LRRC37A2: variants seen among roughly 807,000 people sequenced by gnomAD.
LRRC37A2 encodes leucine rich repeat containing 37 member A2.
LRRC37A2 carries 9 observed loss-of-function variants against 68.8 expected under a neutral mutation model. The ratio of observed to expected loss-of-function variants is 0.13; its 90% CI spans 0.08 to 0.23. The LOEUF (loss-of-function observed/expected upper bound fraction) is 0.23, where lower values mean the gene tolerates loss of function less well. Ranked by LOEUF, LRRC37A2 falls within the 10% of genes least tolerant of loss-of-function variation. The probability of loss-of-function intolerance (pLI) is 1.00; values close to 1 mark genes in which losing one functional copy is unlikely to be tolerated. For missense variants in LRRC37A2, 168 were observed against 950.4 expected (o/e 0.18, Z 10.82); for synonymous variants, 63 against 367.6 (o/e 0.17, Z 9.48).
At chr17:46,715,562 C>T in the LRRC37A2 span, among the ~76,000 whole-genome samples, 4 of 152,212 alleles carry the variant, frequency 2.6e-5, no homozygotes, top group Non-Finnish European at 5.9e-5. Context: ...CAGCTGCCAG[C>T]TTCTACCTCA....
At chr17:46,764,571 T>G in the LRRC37A2 span, 3 of 152,386 alleles carry the variant, frequency 2.0e-5, no homozygotes, top group East Asian at 3.9e-4. Flanking sequence ...CTGCTTCCCA[T>G]GAGACTTCGC....
At chr17:46,881,872 A>G in the LRRC37A2 span, among the ~76,000 whole-genome samples, 2 of 152,230 alleles carry the variant, frequency 1.3e-5, no homozygotes, top group Non-Finnish European at 1.5e-5. Flanking sequence ...TCTCCTAAGG[A>G]CAAGAACATT....
the LRRC37A2 span, chr17:46,714,107 G>A: frequency 5.8e-6 from 6 of 1,026,766 alleles, 1 homozygote; most frequent in Non-Finnish European, 8.0e-6. Flanking sequence ...TTCTCAAGTG[G>A]AACCAAATTA....
At chr17:46,823,945 A>C in the LRRC37A2 span, among the ~76,000 whole-genome samples, 4 of 152,156 alleles carry the variant, frequency 2.6e-5, no homozygotes, top group Non-Finnish European at 4.4e-5. Context: ...CGGATGGTGA[A>C]TACAAAATAT....
At chr17:47,009,339 CA>C in the LRRC37A2 span, among the ~76,000 whole-genome samples, 2 of 152,182 alleles carry the variant, frequency 1.3e-5, no homozygotes, top group Non-Finnish European at 2.9e-5. Context: ...CTGTGGCATC[CA>C]TCTGTCCTCT....
At chr17:46,729,624 A>G in the LRRC37A2 span, among the ~76,000 whole-genome samples, 2 of 152,182 alleles carry the variant, frequency 1.3e-5, no homozygotes, top group African/African-American at 4.8e-5. Context: ...TTGATTCTGC[A>G]TGCTGTAACC....
the LRRC37A2 span, among the ~76,000 whole-genome samples, chr17:46,746,345 G>A: frequency 3.0e-4 from 46 of 152,244 alleles, no homozygotes; most frequent in Admixed American, 2.6e-3. Context: ...ATCTGCATTG[G>A]TTTATGGTGG....
chr17:46,981,076 A>G, the LRRC37A2 span, among the ~76,000 whole-genome samples: 93,217 of 151,966 alleles, frequency 0.61, 29,240 homozygotes, highest in African/African-American at 0.7. Flanking sequence ...AGGAGAGTAA[A>G]GAAAGCACTT....
the LRRC37A2 span, among the ~76,000 whole-genome samples, chr17:46,790,759 TGAA>T: frequency 1.3e-5 from 2 of 152,230 alleles, no homozygotes; most frequent in Non-Finnish European, 1.5e-5. Flanking sequence ...CCAGCAGCCA[TGAA>T]GAAGAAGCAT....
the LRRC37A2 span, among the ~76,000 whole-genome samples, chr17:46,806,973 C>T: frequency 1.3e-5 from 2 of 152,120 alleles, no homozygotes; most frequent in African/African-American, 2.4e-5. Flanking sequence ...ATAGCACCGT[C>T]GGCTTCCAAG....
the LRRC37A2 span, among the ~76,000 whole-genome samples, chr17:46,796,340 A>G: frequency 3.5e-4 from 53 of 152,354 alleles, no homozygotes; most frequent in East Asian, 9.2e-3. Context: ...CCTCTATGCC[A>G]GGCACTGTTT....
the LRRC37A2 span, among the ~76,000 whole-genome samples, chr17:46,845,785 C>CTTTTTTTTT: frequency 2.3e-5 from 2 of 86,782 alleles, no homozygotes; most frequent in Non-Finnish European, 4.1e-5. Flanking sequence ...ACTGTGCTGG[C>CTTTTTTTTT]TTTTTTTTTT....
Position 46,550,408 on chromosome 17 carries a change from T to G in LRRC37A2, c.4705-7T>G. On this transcript the variant is annotated splice_region_variant and splice_polypyrimidine_tract_variant and intron_variant, in intron 10 of 14. Transcript: ENST00000576629. ...CTGGTTTTTTTTTTGTGTGTTTTTT[T>G]TTTTAGCTCAAAAAAGAAGTTCCAG... 1.3e-6 allele frequency: 1 copy of G among 761,324 alleles called. No individual in the cohort carries two copies. Among genetic ancestry groups the G allele is most frequent in the Non-Finnish European group, 2.0e-6 (1 of 511,366 alleles). The allele number at this position is 761,324 out of a possible 1,614,324, so 47.2% of individuals were successfully genotyped here.
At chr17:46,876,115 G>C in the LRRC37A2 span, 1 of 847,162 alleles carries the variant, frequency 1.2e-6, no homozygotes, top group Non-Finnish European at 1.8e-6. Flanking sequence ...AAGGGGAGGA[G>C]CTGGGGCTGA....
the LRRC37A2 span, among the ~76,000 whole-genome samples, chr17:47,040,054 T>C: frequency 2.0e-5 from 3 of 151,948 alleles, no homozygotes; most frequent in Non-Finnish European, 2.9e-5. Context: ...CTCTATTTGA[T>C]GAGACATTGC....
the LRRC37A2 span, among the ~76,000 whole-genome samples, chr17:46,957,291 T>A: frequency 6.6e-6 from 1 of 151,558 alleles, no homozygotes; most frequent in African/African-American, 2.4e-5. Flanking sequence ...GGCAACAGAG[T>A]GAGACCCTGC....
chr17:46,803,393 G>T, the LRRC37A2 span, among the ~76,000 whole-genome samples: 2 of 152,172 alleles, frequency 1.3e-5, no homozygotes, highest in African/African-American at 4.8e-5. Flanking sequence ...ACTTAGCCAG[G>T]TGTGGCGGTG....
the LRRC37A2 span, chr17:46,756,701 C>T: frequency 6.6e-6 from 1 of 152,614 alleles, no homozygotes; most frequent in African/African-American, 2.4e-5. Context: ...AGTATCACTG[C>T]TTTTTCCTTA....
At chr17:47,047,646 C>T in the LRRC37A2 span, among the ~76,000 whole-genome samples, 2 of 151,930 alleles carry the variant, frequency 1.3e-5, no homozygotes, top group East Asian at 1.9e-4. Context: ...CTCAAGTACT[C>T]TCTGCCTTAT....
Sources: allele counts gnomAD v4.1 joint callset (sites outside exome capture counted in the v4.1 genomes callset), GRCh38; gene constraint gnomAD v4.1.1; transcripts MANE v1.5; gene names NCBI Gene and HGNC (gene_info 2026-07-23, HGNC 2026-07-21).